EMC3: variants seen among roughly 807,000 people sequenced by gnomAD.
EMC3 encodes the protein 30 kDa protein.
In EMC3, 13 loss-of-function variants were observed where a neutral mutation model predicts 36.6. The ratio of observed to expected loss-of-function variants is 0.35; its 90% confidence interval spans 0.23 to 0.56. The LOEUF is 0.56. Ranked by LOEUF, EMC3 falls within the 20% of genes least tolerant of loss-of-function variation. EMC3 has a pLI of 0.84. For missense variants in EMC3, 220 were observed against 324.5 expected, an observed-to-expected ratio of 0.68 and a Z score of 2.47; for synonymous variants, 120 against 111.9, an observed-to-expected ratio of 1.07 and a Z score of -0.46.
intron 7 of EMC3, chr3:9,969,485 G>A (rs2085763723): frequency 1.4e-6 from 2 of 1,411,604 alleles, no homozygotes; most frequent in South Asian, 2.9e-5. Flanking sequence ...ATCATTGATA[G>A]TGTGGATTAA....
intron 7 of EMC3, among the ~76,000 whole-genome samples, chr3:9,966,514 C>T (rs1249843908): frequency 6.6e-6 from 1 of 151,922 alleles, no homozygotes; most frequent in Non-Finnish European, 1.5e-5. Flanking sequence ...AGCCACCATG[C>T]CCAGCCCTCT....
intron 1 of EMC3, among the ~76,000 whole-genome samples, chr3:9,992,064 C>T (rs1012340440): frequency 6.6e-5 from 10 of 152,048 alleles, no homozygotes; most frequent in Non-Finnish European, 1.3e-4. Flanking sequence ...CCACAGACTC[C>T]GTGATCCAGG....
chr3:9,992,275 C>T (rs2086063781), intron 1 of EMC3, among the ~76,000 whole-genome samples: 3 of 152,030 alleles, frequency 2.0e-5, no homozygotes, highest in Non-Finnish European at 4.4e-5. Flanking sequence ...CAGTTGCCAC[C>T]ACGACTGGCC....
At chr3:9,969,833 AG>A in intron 6 of EMC3, 32 bp from the exon 7 acceptor site, 2 of 1,609,680 alleles carry the variant, frequency 1.2e-6, no homozygotes, top group Non-Finnish European at 1.7e-6. Flanking sequence ...CATGAGTGCC[AG>A]GACTCAGCAA....
chr3:9,965,431 T>C (rs1311249486), intron 7 of EMC3, among the ~76,000 whole-genome samples: 6 of 151,234 alleles, frequency 4.0e-5, no homozygotes, highest in Non-Finnish European at 7.4e-5. Context: ...GATAGATAGA[T>C]AGATAGATAG....
chr3:9,984,940 T>C (rs2085953956), intron 1 of EMC3, among the ~76,000 whole-genome samples: 1 of 152,210 alleles, frequency 6.6e-6, no homozygotes, highest in Non-Finnish European at 1.5e-5. Flanking sequence ...AATATGTACC[T>C]CATAGAGTTG....
At chr3:9,993,454 G>A (rs1453187154) in intron 1 of EMC3, among the ~76,000 whole-genome samples, 3 of 151,902 alleles carry the variant, frequency 2.0e-5, no homozygotes, top group Admixed American at 6.6e-5. Flanking sequence ...TGGGGTTTGG[G>A]TTAGGAGCTA....
chr3:9,983,816 G>A (rs1462547626), intron 1 of EMC3, among the ~76,000 whole-genome samples: 3 of 152,182 alleles, frequency 2.0e-5, no homozygotes, highest in South Asian at 2.1e-4. Context: ...GAGAATCTAC[G>A]ACAGCAGGAA....
chr3:9,997,781 A>AT (rs1485751806), intron 1 of EMC3, among the ~76,000 whole-genome samples: 1 of 151,732 alleles, frequency 6.6e-6, no homozygotes, highest in South Asian at 2.1e-4. Flanking sequence ...TTTATACCAC[A>AT]TTTTTTTTAT....
chr3:9,978,821 C>T (rs146113294), intron 1 of EMC3, among the ~76,000 whole-genome samples: 1,910 of 151,010 alleles, frequency 0.013, 147 homozygotes, highest in Admixed American at 0.11. Context: ...GGGACTCCAT[C>T]TCAAAAAAAC....
upstream of EMC3, among the ~76,000 whole-genome samples, chr3:9,990,366 GCT>G (rs1273605543): frequency 9.4e-6 from 1 of 105,974 alleles, no homozygotes; most frequent in Non-Finnish European, 1.7e-5. Context: ...ACTAAGTCTT[GCT>G]CTGTCACCGA....
At chr3:9,971,819 C>T (rs957345291) in intron 5 of EMC3, among the ~76,000 whole-genome samples, 1 of 152,160 alleles carries the variant, frequency 6.6e-6, no homozygotes, top group Admixed American at 6.5e-5. Context: ...GGGCTCTGCT[C>T]AAACCAAGTA....
chr3:9,988,438 T>C (rs1453443831), upstream of EMC3: 192 of 1,356,578 alleles, frequency 1.4e-4, no homozygotes, highest in Non-Finnish European at 1.8e-4. Flanking sequence ...TAAAGTCAGC[T>C]ATTAGATATG....
intron 1 of EMC3, among the ~76,000 whole-genome samples, chr3:9,984,884 G>A (rs143854971): frequency 6.6e-6 from 1 of 152,346 alleles, no homozygotes; most frequent in Non-Finnish European, 1.5e-5. Flanking sequence ...CTCAACGAAC[G>A]GGTGGGATGG....
chr3:10,002,754 G>T, intron 1 of EMC3: 4 of 448,680 alleles, frequency 8.9e-6, no homozygotes, highest in South Asian at 3.1e-5. Context: ...TGCACAACTG[G>T]ATACACCCAG....
At chr3:10,008,431 T>C in intron 1 of EMC3, 1 of 1,367,724 alleles carries the variant, frequency 7.3e-7, no homozygotes, top group South Asian at 1.1e-5. Flanking sequence ...CCGGGCAACC[T>C]TGGCTTGTTC....
chr3:9,992,343 C>T (rs2086064900), intron 1 of EMC3, among the ~76,000 whole-genome samples: 2 of 152,062 alleles, frequency 1.3e-5, no homozygotes, highest in Non-Finnish European at 1.5e-5. Flanking sequence ...CCAGGCTGGT[C>T]TCGAACTCCT....
intron 1 of EMC3, chr3:10,009,032 T>G (rs2086295217): frequency 6.5e-6 from 1 of 153,142 alleles, no homozygotes; most frequent in Non-Finnish European, 1.5e-5. Context: ...ATCACTAAGC[T>G]TATTTGCCTG....
rs151139408 is a variant in EMC3 at position 9,975,049 on chromosome 3, C to T, written c.308-561G>A. 1.8e-3 allele frequency among the ~76,000 whole-genome samples: 278 copies of T among 151,664 alleles called. 2 individuals are homozygous for T. The highest frequency in any genetic ancestry group is 6.4e-3 in the African/African-American group (264 of 41,326). ...CTAATTTTTGTATTTTCAGTAGAGA[C>T]GGGGTTTCACCATGTCGGCCAGGCT... On this transcript the variant is annotated intron_variant, in intron 3 of 7. Transcript: ENST00000245046.
Sources: allele counts gnomAD v4.1 joint callset (sites outside exome capture counted in the v4.1 genomes callset), GRCh38; gene constraint gnomAD v4.1.1; transcripts MANE v1.5; gene names NCBI Gene and HGNC (gene_info 2026-07-23, HGNC 2026-07-21).